The following FMNL2 variants were observed in gnomAD, a reference collection of about 807,000 sequenced individuals.
FMNL2 encodes formin-like protein 2.
A neutral mutation model predicts 130.2 loss-of-function variants in FMNL2; 51 were observed. That is an observed-to-expected ratio of 0.39 (90% CI 0.31 to 0.49). The LOEUF (loss-of-function observed/expected upper bound fraction) is 0.49. FMNL2 is among the 20% of genes least tolerant of loss of function. The pLI, the probability that FMNL2 is intolerant of heterozygous loss-of-function variation, is 0.85. For missense variants in FMNL2, 977 were observed against 1,316.2 expected (o/e 0.74, Z 3.99); for synonymous variants, 465 against 467.1 (o/e 1.00, Z 0.06).
At chr2:152,426,168 G>A (rs372844618) in intron 1 of FMNL2, among the ~76,000 whole-genome samples, 86 of 152,256 alleles carry the variant, frequency 5.6e-4, no homozygotes, top group African/African-American at 1.9e-3. Flanking sequence ...AGAAGCTCAG[G>A]GTTCTTTAGG....
chr2:152,606,570 T>A (rs1406238630), intron 9 of FMNL2, among the ~76,000 whole-genome samples: 5 of 148,274 alleles, frequency 3.4e-5, no homozygotes, highest in African/African-American at 1.2e-4. Flanking sequence ...ATCTAAAATT[T>A]AAAAAAAAGA....
chr2:152,649,527 T>C lies in FMNL2; in HGVS notation c.*1622T>C, dbSNP rs1287112014. The stretch of plus-strand genomic sequence containing the variant: ...TGTGTACTTTACTTTAAAAAGAACA[T>C]GCCACGATTTTGTCTTTCTGTGGAC... On this transcript the variant is annotated 3_prime_UTR_variant, in exon 26 of 26. Coordinates refer to ENST00000288670, the MANE Select transcript of FMNL2 (RefSeq NM_052905.4). 6.6e-6 allele frequency: 1 copy of C among 152,618 alleles called. No individual in the cohort carries two copies. Among genetic ancestry groups the C allele is most frequent in the Non-Finnish European group, 1.5e-5 (1 of 68,028 alleles). The allele number at this position is 152,618 out of a possible 1,614,324, so 9.5% of individuals were successfully genotyped here.
At chr2:152,537,326 T>C (rs889722381) in intron 2 of FMNL2, among the ~76,000 whole-genome samples, 2 of 152,202 alleles carry the variant, frequency 1.3e-5, no homozygotes, top group Non-Finnish European at 2.9e-5. Context: ...TTTTGTTTTT[T>C]CCTTGTCTGC....
intron 1 of FMNL2, among the ~76,000 whole-genome samples, chr2:152,352,713 CTT>C (rs70974853): frequency 0.092 from 13,391 of 145,886 alleles, 661 homozygotes; most frequent in African/African-American, 0.14. Flanking sequence ...GTGATCAAAT[CTT>C]TTTTTTTTTT....
At chr2:152,617,050 T>C (rs759228102) in intron 12 of FMNL2, 41 bp from the exon 13 acceptor site, 8 of 1,569,670 alleles carry the variant, frequency 5.1e-6, no homozygotes, top group South Asian at 4.5e-5. Context: ...CTGATCAAGA[T>C]GATCCTGTAT....
intron 1 of FMNL2, among the ~76,000 whole-genome samples, chr2:152,353,982 C>G (rs1355311703): frequency 1.3e-5 from 2 of 152,182 alleles, no homozygotes; most frequent in African/African-American, 4.8e-5. Flanking sequence ...TACTGACCTT[C>G]TGTGATACAT....
intron 2 of FMNL2, among the ~76,000 whole-genome samples, chr2:152,533,388 A>G (rs1311273650): frequency 6.6e-6 from 1 of 151,882 alleles, no homozygotes; most frequent in Non-Finnish European, 1.5e-5. Flanking sequence ...TCTTTTTTTC[A>G]TGAACTACCT....
At chr2:152,392,651 G>A (rs569953351) in intron 1 of FMNL2, among the ~76,000 whole-genome samples, 1 of 152,236 alleles carries the variant, frequency 6.6e-6, no homozygotes, top group African/African-American at 2.4e-5. Context: ...CCATCGAGAG[G>A]GAGAAGCCAT....
At chr2:152,523,881 T>C (rs926083646) in intron 2 of FMNL2, among the ~76,000 whole-genome samples, 1 of 152,166 alleles carries the variant, frequency 6.6e-6, no homozygotes, top group Non-Finnish European at 1.5e-5. Flanking sequence ...AACGTGCTTA[T>C]TGAAAACATG....
In FMNL2 at chr2:152,619,552, G is replaced by GCCCCCCCCC; in HGVS notation, c.1676_1677insCCCCCCCCC (p.Pro571_Pro573dup). 1 of 1,417,708 alleles carries GCCCCCCCCC rather than the reference G, an allele frequency of 7.1e-7. No homozygotes were observed. Among genetic ancestry groups the GCCCCCCCCC allele is most frequent in the Non-Finnish European group, 9.4e-7 (1 of 1,062,482 alleles). 87.8% of individuals were successfully genotyped at this position (1,417,708 alleles called of 1,614,324 possible). Reference sequence around the variant, plus strand: ...CACCACCTATGCCACCGCCGCCGCCGCCCCCTCCTCCACCTCCTCCTCCCC... The same window carrying GCCCCCCCCC: ...CACCACCTATGCCACCGCCGCCGCCGCCCCCCCCCCCCCCTCCTCCACCTCCTCCTCCCC... On this transcript the variant is annotated inframe_insertion, in exon 15 of 26. Coordinates refer to ENST00000288670, the MANE Select transcript of FMNL2 (RefSeq NM_052905.4).
At position 152,647,927 on chromosome 2, in the gene FMNL2, A is replaced by G. The variant is rs1683759140; in HGVS notation, c.*22A>G. On this transcript the variant is annotated 3_prime_UTR_variant, in exon 26 of 26. Transcript: ENST00000288670. ...GTGAACCTGAGACTGGCCTGCATGA[A>G]TACAGGGTGTGCGTGAATGAAACTG... 1.3e-6 allele frequency: 2 copies of G among 1,590,224 alleles called. No individual in the cohort carries two copies. The highest frequency in any genetic ancestry group is 8.6e-7 in the Non-Finnish European group (1 of 1,164,122).
At position 152,647,927 on chromosome 2, in the gene FMNL2, A is replaced by C. The variant is rs1683759140; in HGVS notation, c.*22A>C. 1 of 1,590,224 alleles carries C rather than the reference A, an allele frequency of 6.3e-7. No individual in the cohort carries two copies. The highest frequency in any genetic ancestry group is 2.3e-5 in the East Asian group (1 of 44,384). The stretch of plus-strand genomic sequence containing the variant: ...GTGAACCTGAGACTGGCCTGCATGA[A>C]TACAGGGTGTGCGTGAATGAAACTG... On this transcript the variant is annotated 3_prime_UTR_variant, in exon 26 of 26. Transcript: ENST00000288670.
At chr2:152,344,440 G>A (rs1681994382) in intron 1 of FMNL2, among the ~76,000 whole-genome samples, 1 of 152,154 alleles carries the variant, frequency 6.6e-6, no homozygotes, top group African/African-American at 2.4e-5. Context: ...ATTTTGGATA[G>A]ATTAGGCAAA....
intron 1 of FMNL2, among the ~76,000 whole-genome samples, chr2:152,459,350 T>G (rs1230999886): frequency 1.3e-5 from 2 of 152,314 alleles, no homozygotes; most frequent in Middle Eastern, 3.4e-3. Context: ...TGATTTCTGC[T>G]TTTGTTAAGA....
chr2:152,393,145 G>A (rs1186717963), intron 1 of FMNL2, among the ~76,000 whole-genome samples: 1 of 152,088 alleles, frequency 6.6e-6, no homozygotes, highest in Non-Finnish European at 1.5e-5. Flanking sequence ...TATGTGAGTT[G>A]CCTCTATGTA....
intron 25 of FMNL2, among the ~76,000 whole-genome samples, chr2:152,646,376 A>C (rs1337560508): frequency 6.6e-6 from 1 of 151,554 alleles, no homozygotes; most frequent in African/African-American, 2.4e-5. Flanking sequence ...AGGGTCACAC[A>C]AATTCCAATG....
rs1553478442 is a variant in FMNL2, at chr2:152,568,223, T to TTTTTTGTTTTGTTTTGTTTTTG, written c.597-6908_597-6907insGTTTTGTTTTGTTTTTGTTTTT. 1.2e-3 allele frequency among the ~76,000 whole-genome samples: 165 copies of TTTTTTGTTTTGTTTTGTTTTTG among 132,302 alleles called. 2 individuals are homozygous for TTTTTTGTTTTGTTTTGTTTTTG. The highest frequency in any genetic ancestry group is 4.3e-3 in the East Asian group (20 of 4,600). 86.8% of individuals were successfully genotyped at this position (132,302 alleles called of 152,430 possible). On this transcript the variant is annotated intron_variant, in intron 6 of 25. Transcript: ENST00000288670. ...AACGGCTTCCATTTTGGTGGGTTTT[T>TTTTTTGTTTTGTTTTGTTTTTG]TTTTTTTTTTGAGACGGAGTCTCAC...
chr2:152,603,544 A>G (rs1270784649), intron 9 of FMNL2, among the ~76,000 whole-genome samples: 2 of 150,686 alleles, frequency 1.3e-5, no homozygotes, highest in East Asian at 4.1e-4. Flanking sequence ...CTTCAGGTCT[A>G]TCTGCCAGGC....
intron 1 of FMNL2, among the ~76,000 whole-genome samples, chr2:152,336,315 G>T (rs1041843268): frequency 1.3e-5 from 2 of 152,142 alleles, no homozygotes; most frequent in Non-Finnish European, 2.9e-5. Flanking sequence ...CAGCAGTGCG[G>T]CGCCCCGGCC....
Sources: gnomAD v4.1 joint callset for allele counts (sites outside exome capture counted in the v4.1 genomes callset) on GRCh38, gnomAD v4.1.1 for gene constraint, MANE v1.5 for transcripts, NCBI Gene and HGNC (gene_info 2026-07-23, HGNC 2026-07-21) for gene names.